Variants in PNLIPRP3 observed in about 807,000 individuals in gnomAD.
PNLIPRP3 encodes pancreatic lipase related protein 3, also known as pancreatic lipase-related protein 3.
Under a neutral mutation model 52.8 loss-of-function variants are expected in PNLIPRP3, and 58 were observed. That is an observed-to-expected ratio of 1.10 (90% CI 0.89 to 1.37). The LOEUF is 1.37. PNLIPRP3 is among the 40% of genes most tolerant of loss of function. The probability of loss-of-function intolerance (pLI) is 0.00; values close to 1 mark genes in which losing one functional copy is unlikely to be tolerated. For missense variants in PNLIPRP3, 593 were observed against 561.6 expected, an observed-to-expected ratio of 1.06 and a Z score of -0.57; for synonymous variants, 192 against 185.0, an observed-to-expected ratio of 1.04 and a Z score of -0.31.
At chr10:116,443,676 T>TA (rs1268879440) in intron 3 of PNLIPRP3, among the ~76,000 whole-genome samples, 7 of 128,016 alleles carry the variant, frequency 5.5e-5, no homozygotes, top group East Asian at 4.7e-4. Flanking sequence ...CACATATATA[T>TA]AAACACATAT....
At chr10:116,476,844 T>G (rs887528284) in intron 11 of PNLIPRP3, 25 bp downstream of exon 11, 1 of 1,536,072 alleles carries the variant, frequency 6.5e-7, no homozygotes, top group Non-Finnish European at 8.8e-7. Context: ...TTCCTTTTCA[T>G]TTTCGTAGTT....
At position 116,477,200 on chromosome 10, in the gene PNLIPRP3, A is replaced by G. The variant is rs1846485965; in HGVS notation, c.*47A>G. ...ATTTCTTTAGTAGGAGCAATGAAGA[A>G]AAGTGTCTCCTTCCACCTGGCATCC... On this transcript the variant is annotated 3_prime_UTR_variant, in exon 12 of 12. Transcript: ENST00000369230. The G allele has an allele frequency of 6.7e-7, 1 of 1,484,616 alleles. No homozygotes were observed. The allele number at this position is 1,484,616 out of a possible 1,614,324, so 92.0% of individuals were successfully genotyped here. A position where few individuals can be genotyped will look rare whatever the true frequency, so the allele number is the denominator to read the frequency against.
rs564170774 is a variant in PNLIPRP3 at position 116,471,629 on chromosome 10, G to A, written c.1061-139G>A. On this transcript the variant is annotated intron_variant, in intron 9 of 11. Transcript: ENST00000369230. ...CACCAAATTCACTGAAACTAAAGTT[G>A]TATTTTTGCATGAATATGTGCAGCA... is the stretch of plus-strand genomic sequence containing the variant. 2.8e-5 allele frequency: 17 copies of A among 600,176 alleles called. No homozygotes were observed. The South Asian group carries it at 4.1e-4, about 14-fold the overall frequency. 37.2% of individuals were successfully genotyped at this position (600,176 alleles called of 1,614,324 possible). A position where few individuals can be genotyped will look rare whatever the true frequency, so the allele number is the denominator to read the frequency against.
chr10:116,446,318 C>T (rs1189762834), intron 4 of PNLIPRP3, among the ~76,000 whole-genome samples: 3 of 134,386 alleles, frequency 2.2e-5, no homozygotes, highest in African/African-American at 8.8e-5. Context: ...TGCACTCCAG[C>T]TTGGGCCAGA....
intron 2 of PNLIPRP3, among the ~76,000 whole-genome samples, chr10:116,437,217 G>A (rs10885932): frequency 0.13 from 20,531 of 152,128 alleles, 1,721 homozygotes; most frequent in Admixed American, 0.26. Flanking sequence ...TGACTTTATT[G>A]CAGTGGGAGA....
Position 116,455,730 on chromosome 10 carries a change from T to A in PNLIPRP3, c.465T>A (p.Phe155Leu). The change falls in exon 5 of 12, where the codon TTT becomes TTA. Residue 155 changes from phenylalanine (F) to leucine (L), a missense_variant. Phe to Leu is a conservative substitution (Grantham distance 22). Coordinates refer to ENST00000369230, the MANE Select transcript of PNLIPRP3 (RefSeq NM_001011709.3). The stretch of plus-strand genomic sequence containing the variant: ...TTAAACAATTCTTTCAGAAAAAATT[T>A]GAATATTCCCCTTCTAAAGTGCACT... ...AYFIDVLMKK[F>L]EYSPSKVHLI... 8.1e-6 allele frequency: 13 copies of A among 1,613,156 alleles called. No individual in the cohort carries two copies. The highest frequency in any genetic ancestry group is 1.1e-5 in the Non-Finnish European group (13 of 1,179,368).
intron 1 of PNLIPRP3, among the ~76,000 whole-genome samples, chr10:116,432,080 T>G (rs929953839): frequency 6.6e-6 from 1 of 151,586 alleles, no homozygotes; most frequent in African/African-American, 2.4e-5. Context: ...TATTCTTATT[T>G]ATTGTCTGTC....
chr10:116,473,636 C>T (rs186410501), intron 10 of PNLIPRP3, among the ~76,000 whole-genome samples: 241 of 152,156 alleles, frequency 1.6e-3, no homozygotes, highest in African/African-American at 5.5e-3. Flanking sequence ...ATTATCCTGC[C>T]TCAGCCTCCT....
At chr10:116,439,938 G>A in intron 2 of PNLIPRP3, 2 of 868,754 alleles carry the variant, frequency 2.3e-6, no homozygotes, top group East Asian at 4.8e-5. Context: ...CTGCAAAATT[G>A]ACAGGGACCT....
intron 7 of PNLIPRP3, among the ~76,000 whole-genome samples, chr10:116,463,092 T>C (rs1846222747): frequency 2.0e-5 from 3 of 152,186 alleles, no homozygotes; most frequent in African/African-American, 7.2e-5. Context: ...GTAAGAGAAG[T>C]CTTTGTTTAA....
At chr10:116,428,820 A>G (rs1157075686) in intron 1 of PNLIPRP3, among the ~76,000 whole-genome samples, 1 of 152,174 alleles carries the variant, frequency 6.6e-6, no homozygotes, top group Non-Finnish European at 1.5e-5. Context: ...CCTTTGTTGT[A>G]AAGTATCACG....
intron 5 of PNLIPRP3, 44 bp downstream of exon 5, chr10:116,455,874 G>A: frequency 2.2e-6 from 3 of 1,355,980 alleles, no homozygotes; most frequent in Non-Finnish European, 3.2e-6. Flanking sequence ...TTTAAATATT[G>A]TTTACACACA....
In PNLIPRP3 at chr10:116,460,981, G is replaced by A; in HGVS notation, c.581G>A (p.Gly194Glu). 1 of 1,611,954 alleles carries A rather than the reference G, an allele frequency of 6.2e-7. No individual in the cohort carries two copies. The highest frequency in any genetic ancestry group is 2.3e-5 in the East Asian group (1 of 42,938). ...LGRITGLDPA[G>E]PFFHNTPKEV... ...CTTTCTCTAGGGTTGGACCCAGCTG[G>A]GCCATTTTTCCACAACACTCCAAAG... is the stretch of plus-strand genomic sequence containing the variant. Residue 194 changes from glycine to glutamate, a missense_variant, in exon 6 of 12, where the codon GGG becomes GAG. Transcript: ENST00000369230.
chr10:116,429,983 T>G (rs1240812692), intron 1 of PNLIPRP3, among the ~76,000 whole-genome samples: 4 of 152,050 alleles, frequency 2.6e-5, no homozygotes, highest in African/African-American at 9.7e-5. Flanking sequence ...AACAGCATGT[T>G]TGTGTGAGGC....
rs149653537 is a variant in PNLIPRP3 at position 116,439,960 on chromosome 10, T to A, written c.204+3095T>A. The stretch of plus-strand genomic sequence containing the variant: ...ATTGACAGGGACCTCTGGGTTTTTC[T>A]TCTTATGTTCTTCTCTGCACGTCTG... On this transcript the variant is annotated intron_variant, in intron 2 of 11. Transcript: ENST00000369230. The A allele has an allele frequency of 8.1e-4, 692 of 857,970 alleles. 2 individuals carry two copies. In the African/African-American group the frequency reaches 0.01, roughly 12 times the overall value. 53.1% of individuals were successfully genotyped at this position (857,970 alleles called of 1,614,324 possible).
intron 9 of PNLIPRP3, 23 bp from the exon 10 acceptor site, chr10:116,471,745 C>T (rs1846374233): frequency 6.5e-7 from 1 of 1,530,410 alleles, no homozygotes; most frequent in Admixed American, 1.7e-5. Flanking sequence ...CTCTCCCTTT[C>T]CTTCTTGTTT....
At chr10:116,467,922 G>A (rs898446847) in intron 8 of PNLIPRP3, among the ~76,000 whole-genome samples, 6 of 151,764 alleles carry the variant, frequency 4.0e-5, no homozygotes, top group South Asian at 4.2e-4. Context: ...TCAGGAGATC[G>A]AGACCATCCT....
At chr10:116,460,249 G>A (rs1178796765) in intron 5 of PNLIPRP3, among the ~76,000 whole-genome samples, 1 of 152,176 alleles carries the variant, frequency 6.6e-6, no homozygotes, top group Admixed American at 6.5e-5. Context: ...CCTCATATCT[G>A]AATGCTAAAC....
intron 11 of PNLIPRP3, 28 bp downstream of exon 11, chr10:116,476,847 T>C (rs1426646988): frequency 1.3e-6 from 2 of 1,535,632 alleles, no homozygotes; most frequent in Non-Finnish European, 1.8e-6. Context: ...CTTTTCATTT[T>C]CGTAGTTTAC....
Sources: gnomAD v4.1 joint callset for allele counts (sites outside exome capture counted in the v4.1 genomes callset) on GRCh38, gnomAD v4.1.1 for gene constraint, MANE v1.5 for transcripts, NCBI Gene and HGNC (gene_info 2026-07-23, HGNC 2026-07-21) for gene names.